SHANK2: variants seen among roughly 807,000 people sequenced by gnomAD.
The protein encoded by SHANK2 is SH3 and multiple ankyrin repeat domains 2.
In SHANK2, 43 loss-of-function variants were observed where a neutral mutation model predicts 133.7. The observed-to-expected ratio is 0.32, with a 90% CI of 0.25 to 0.41. SHANK2 has a LOEUF of 0.41. SHANK2 is among the 10% of genes least tolerant of loss of function. The probability of loss-of-function intolerance (pLI) is 1.00; values close to 1 mark genes in which losing one functional copy is unlikely to be tolerated. For missense variants in SHANK2, 1,994 were observed against 2,235.8 expected, an observed-to-expected ratio of 0.89 and a Z score of 2.18; for synonymous variants, 1,017 against 952.8, an observed-to-expected ratio of 1.07 and a Z score of -1.24.
At chr11:70,551,518 C>T (rs6592623) in intron 17 of SHANK2, among the ~76,000 whole-genome samples, 54,999 of 152,104 alleles carry the variant, frequency 0.36, 10,738 homozygotes, top group African/African-American at 0.47. Flanking sequence ...CCCCCGGCCT[C>T]GGCAGCCCCG....
chr11:71,250,758 T>G (rs1434553573), intron 1 of SHANK2, among the ~76,000 whole-genome samples: 1 of 151,846 alleles, frequency 6.6e-6, no homozygotes, highest in Non-Finnish European at 1.5e-5. Context: ...GGCACCGGGG[T>G]TAAGGCTGAA....
intron 11 of SHANK2, among the ~76,000 whole-genome samples, chr11:70,831,540 A>G (rs1415431954): frequency 6.6e-6 from 1 of 151,600 alleles, no homozygotes; most frequent in African/African-American, 2.4e-5. Context: ...CAGGCATCCC[A>G]CAGACTCACC....
Position 70,486,706 on chromosome 11 carries a change from G to T in SHANK2, c.3587C>A (p.Ala1196Asp). The T allele has an allele frequency of 6.2e-7, 1 of 1,610,408 alleles. No homozygotes were observed. The highest frequency in any genetic ancestry group is 1.3e-5 in the African/African-American group (1 of 75,062). Residue 1196 changes from alanine (A) to aspartate (D), a missense_variant, in exon 25 of 26, where the codon GCC (alanine) becomes GAC (aspartate). By Grantham distance (126) the Ala-to-Asp change is moderately radical. Transcript: ENST00000601538. The surrounding 1 kb of genome is among the most constrained non-coding windows in gnomAD (Gnocchi z 8.0). ...TGGGTGGACATAATTCCCGGGGCCG[G>T]CTGTGCCGCTGCTCGCGGAGGGCAC... ...PAVPSASSGT[A>D]GPGNYVHPLT...
chr11:71,084,730 C>T (rs1429484879), intron 8 of SHANK2, among the ~76,000 whole-genome samples: 1 of 152,190 alleles, frequency 6.6e-6, no homozygotes, highest in African/African-American at 2.4e-5. Context: ...GATGTGAGAA[C>T]CCTACAGGCA....
chr11:70,874,464 T>C (rs1949524059), intron 11 of SHANK2, among the ~76,000 whole-genome samples: 1 of 152,170 alleles, frequency 6.6e-6, no homozygotes, highest in African/African-American at 2.4e-5. Context: ...TGCCTCAGCC[T>C]CCTGAGAAGC....
chr11:70,857,847 TCA>T (rs1366896770), intron 11 of SHANK2, among the ~76,000 whole-genome samples: 1 of 152,064 alleles, frequency 6.6e-6, no homozygotes, highest in East Asian at 1.9e-4. Context: ...CTTCCATGAG[TCA>T]CACACCATGT....
At chr11:70,587,762 T>C (rs1204196728) in intron 17 of SHANK2, among the ~76,000 whole-genome samples, 1 of 145,448 alleles carries the variant, frequency 6.9e-6, no homozygotes, top group Non-Finnish European at 1.5e-5. Flanking sequence ...TGGAGTACAG[T>C]GGCGAGATCA....
chr11:70,933,413 G>A, intron 10 of SHANK2: 1 of 428,944 alleles, frequency 2.3e-6, no homozygotes. Flanking sequence ...TTTCAGTTTG[G>A]GAAAATGACA....
intron 17 of SHANK2, among the ~76,000 whole-genome samples, chr11:70,599,605 C>CAAAA (rs1160187418): frequency 0.011 from 335 of 30,292 alleles, 48 homozygotes; most frequent in African/African-American, 0.015. Context: ...GACTCCGTCT[C>CAAAA]AAAAAAAAAA....
intron 15 of SHANK2, among the ~76,000 whole-genome samples, chr11:70,662,425 G>C (rs568111110): frequency 6.6e-6 from 1 of 152,206 alleles, no homozygotes; most frequent in Non-Finnish European, 1.5e-5. Flanking sequence ...AGGGCGGGGA[G>C]GGGGAGCGGC....
intron 17 of SHANK2, among the ~76,000 whole-genome samples, chr11:70,583,295 A>G (rs1233013449): frequency 6.6e-6 from 1 of 152,152 alleles, no homozygotes; most frequent in Non-Finnish European, 1.5e-5. Context: ...CAGAGGGAGC[A>G]TGTGGCGAGA....
In SHANK2 at chr11:71,118,993, C is replaced by T; in HGVS notation, c.247G>A (p.Ala83Thr). The T allele has an allele frequency of 1.3e-6, 2 of 1,551,732 alleles. No homozygotes were observed. The highest frequency in any genetic ancestry group is 1.2e-5 in the South Asian group (1 of 84,054). The change falls in exon 4 of 26, where the codon GCA (alanine) becomes ACA (threonine). Residue 83 changes from alanine to threonine, a missense_variant. Transcript: ENST00000601538. ...RFNPDATVWV[A>T]KQRILCTLTQ... is the part of the protein sequence containing the mutation. Reference sequence around the variant, plus strand: ...AATGTACACAGGATCCGCTGCTTTGCAACCCACACTGTGGCATCCGGGTTA... The same window carrying T: ...AATGTACACAGGATCCGCTGCTTTGTAACCCACACTGTGGCATCCGGGTTA...
chr11:70,773,657 A>T (rs1242344990), intron 14 of SHANK2, among the ~76,000 whole-genome samples: 1 of 152,244 alleles, frequency 6.6e-6, no homozygotes, highest in Non-Finnish European at 1.5e-5. Context: ...ATAATAAAGT[A>T]TTAGTTTAAT....
chr11:70,706,596 T>C (rs926231711), intron 14 of SHANK2, among the ~76,000 whole-genome samples: 1 of 152,048 alleles, frequency 6.6e-6, no homozygotes, highest in Non-Finnish European at 1.5e-5. Flanking sequence ...CTTGAACTTG[T>C]CAACCCGACA....
At chr11:70,818,299 A>G (rs1948443786) in intron 12 of SHANK2, among the ~76,000 whole-genome samples, 1 of 152,198 alleles carries the variant, frequency 6.6e-6, no homozygotes, top group South Asian at 2.1e-4. Flanking sequence ...ACATACATAC[A>G]CAGGCATACA....
intron 17 of SHANK2, among the ~76,000 whole-genome samples, chr11:70,627,022 A>C (rs1269443978): frequency 6.6e-6 from 1 of 152,074 alleles, no homozygotes; most frequent in African/African-American, 2.4e-5. Flanking sequence ...GCAGCCGTGA[A>C]GGTCAGATGG....
intron 17 of SHANK2, among the ~76,000 whole-genome samples, chr11:70,606,581 T>C (rs1264702392): frequency 2.0e-5 from 3 of 149,254 alleles, no homozygotes; most frequent in African/African-American, 4.9e-5. Flanking sequence ...ACTTCAGAGT[T>C]TGAATCAGCA....
At chr11:70,755,866 C>A (rs1188894393) in intron 14 of SHANK2, among the ~76,000 whole-genome samples, 7 of 152,216 alleles carry the variant, frequency 4.6e-5, no homozygotes, top group African/African-American at 1.7e-4. Flanking sequence ...CATCACCCTC[C>A]GATTGTTGGA....
chr11:70,785,986 C>G (rs894370007), intron 14 of SHANK2, among the ~76,000 whole-genome samples: 3 of 152,136 alleles, frequency 2.0e-5, no homozygotes, highest in Non-Finnish European at 2.9e-5. Context: ...GTCCTACCTG[C>G]TATGCACAGA....
Sources: allele counts gnomAD v4.1 joint callset (sites outside exome capture counted in the v4.1 genomes callset), GRCh38; gene constraint gnomAD v4.1.1; non-coding constraint Gnocchi (gnomAD v3.1); transcripts MANE v1.5; gene names NCBI Gene and HGNC (gene_info 2026-07-23, HGNC 2026-07-21).